Variants in CYTH3 observed in about 807,000 individuals in gnomAD.
CYTH3 encodes cytohesin 3, also known as cytohesin-3.
CYTH3 carries 23 observed loss-of-function variants against 55.1 expected under a neutral mutation model. That is an observed-to-expected ratio of 0.42 (90% CI 0.30 to 0.59). CYTH3 has a LOEUF of 0.59. Among genes scored for constraint, CYTH3 ranks in the 20% least tolerant of loss-of-function variants. The pLI, the probability that CYTH3 is intolerant of heterozygous loss-of-function variation, is 0.20. For missense variants in CYTH3, 413 were observed against 524.8 expected (o/e 0.79, Z 2.08); for synonymous variants, 249 against 194.9 (o/e 1.28, Z -2.31).
intron 1 of CYTH3, among the ~76,000 whole-genome samples, chr7:6,237,582 C>T (rs1490067181): frequency 6.6e-6 from 1 of 152,076 alleles, no homozygotes; most frequent in Admixed American, 6.5e-5. Flanking sequence ...GTGGCACGCG[C>T]CTGTTATCCC....
intron 4 of CYTH3, among the ~76,000 whole-genome samples, chr7:6,179,145 G>C (rs1461410549): frequency 2.0e-5 from 3 of 152,172 alleles, no homozygotes; most frequent in African/African-American, 7.2e-5. Flanking sequence ...CAGTCAGTAA[G>C]AGAACCGATC....
chr7:6,226,859 T>C (rs1779267625), intron 1 of CYTH3, among the ~76,000 whole-genome samples: 1 of 152,088 alleles, frequency 6.6e-6, no homozygotes, highest in South Asian at 2.1e-4. Context: ...GGTGGGCGGA[T>C]CACGAGGTCA....
At chr7:6,195,914 C>T (rs1032051503) in intron 1 of CYTH3, among the ~76,000 whole-genome samples, 3 of 152,164 alleles carry the variant, frequency 2.0e-5, no homozygotes, top group African/African-American at 7.2e-5. Flanking sequence ...TCAAAGTCCA[C>T]GTAGAATAAG....
In CYTH3 at chr7:6,233,382, G is replaced by C. The variant is rs570839275; in HGVS notation, c.34+39092C>G. Among the ~76,000 whole-genome samples, 13 of 152,276 alleles carry C rather than the reference G, an allele frequency of 8.5e-5. No homozygotes were observed. The East Asian group carries it at 2.3e-3, about 27-fold the overall frequency. On this transcript the variant is annotated intron_variant, in intron 1 of 12. Transcript: ENST00000350796. ...CCTGCCAATTCTACCTTTGTAACTA[G>C]TTTTTGTTTTGTTTAAAACAGTAAA...
chr7:6,220,248 T>C (rs773385810), intron 1 of CYTH3, among the ~76,000 whole-genome samples: 6 of 152,130 alleles, frequency 3.9e-5, no homozygotes, highest in African/African-American at 4.8e-5. Context: ...GCAGAACAGA[T>C]ATTCTTTTCA....
chr7:6,212,535 C>T (rs1004424688), intron 1 of CYTH3: 1 of 152,146 alleles, frequency 6.6e-6, no homozygotes, highest in Non-Finnish European at 1.5e-5. Flanking sequence ...TTGTGACTGG[C>T]TTATTTCACC....
At chr7:6,250,760 C>T (rs560098016) in intron 1 of CYTH3, among the ~76,000 whole-genome samples, 15 of 152,148 alleles carry the variant, frequency 9.9e-5, no homozygotes, top group East Asian at 3.9e-4. Context: ...TGCTGATGGT[C>T]GCACAACTTT....
chr7:6,200,824 C>G (rs940436172), intron 1 of CYTH3, among the ~76,000 whole-genome samples: 6 of 152,238 alleles, frequency 3.9e-5, no homozygotes, highest in Non-Finnish European at 8.8e-5. Flanking sequence ...GGCACAATCA[C>G]AGCTCACTGC....
intron 1 of CYTH3, among the ~76,000 whole-genome samples, chr7:6,268,506 A>G (rs757465601): frequency 1.7e-4 from 26 of 152,210 alleles, no homozygotes; most frequent in Non-Finnish European, 3.5e-4. Context: ...AGATCTCTCC[A>G]TGTCAACTAA....
At position 6,171,223 on chromosome 7, in the gene CYTH3, G is replaced by A. The variant is rs1381672202; in HGVS notation, c.541C>T (p.Pro181Ser). Residue 181 changes from proline (P) to serine (S), a missense_variant, in exon 7 of 13, where the codon CCC becomes TCC. Transcript: ENST00000350796. This position sits in a 1 kb window ranked among gnomAD's most constrained non-coding sequence, Gnocchi z 6.7. ...AFASRYCLCN[P>S]GVFQSTDTCY... Reference sequence around the variant, plus strand: ...TGACCTGTGGACTGGAAGACCCCGGGGTTGCACAGGCAGTAGCGAGAAGCG... The same window carrying A: ...TGACCTGTGGACTGGAAGACCCCGGAGTTGCACAGGCAGTAGCGAGAAGCG... 4 of 1,614,144 alleles carry A rather than the reference G, an allele frequency of 2.5e-6. No homozygotes were observed. The highest frequency in any genetic ancestry group is 3.4e-6 in the Non-Finnish European group (4 of 1,179,996).
intron 1 of CYTH3, among the ~76,000 whole-genome samples, chr7:6,264,382 C>T (rs1780430458): frequency 6.6e-6 from 1 of 152,206 alleles, no homozygotes; most frequent in South Asian, 2.1e-4. Context: ...GAGGCCAAAG[C>T]GGGTGGATCA....
intron 1 of CYTH3, among the ~76,000 whole-genome samples, chr7:6,262,630 T>G (rs1159745540): frequency 6.6e-6 from 1 of 152,222 alleles, no homozygotes; most frequent in Non-Finnish European, 1.5e-5. Flanking sequence ...ACACTTTGGA[T>G]CACTTGAGGC....
intron 1 of CYTH3, among the ~76,000 whole-genome samples, chr7:6,239,168 C>G (rs1331479683): frequency 6.6e-6 from 1 of 152,140 alleles, no homozygotes; most frequent in African/African-American, 2.4e-5. Context: ...AGGCTATGAT[C>G]GCACCACTTT....
intron 1 of CYTH3, among the ~76,000 whole-genome samples, chr7:6,206,353 A>T (rs1047088791): frequency 6.6e-6 from 1 of 152,226 alleles, no homozygotes; most frequent in African/African-American, 2.4e-5. Flanking sequence ...GCCACAGAAG[A>T]CCACATATTG....
intron 1 of CYTH3, among the ~76,000 whole-genome samples, chr7:6,216,391 A>C (rs1784426845): frequency 6.6e-6 from 1 of 152,090 alleles, no homozygotes; most frequent in Admixed American, 6.5e-5. Flanking sequence ...ACATATATGC[A>C]AACATACACC....
In CYTH3 at chr7:6,164,831, G is replaced by T. The variant is rs1418382154; in HGVS notation, c.*113C>A. ...CTGGGCCACGGTATGCTCTGGAGCAGCAGCTTGCACCGCAGGGCGACTGCC... is the reference window on the plus strand; with the variant it reads ...CTGGGCCACGGTATGCTCTGGAGCATCAGCTTGCACCGCAGGGCGACTGCC... On this transcript the variant is annotated 3_prime_UTR_variant, in exon 13 of 13. Coordinates refer to ENST00000350796, the MANE Select transcript of CYTH3 (RefSeq NM_004227.4). 11 of 1,180,192 alleles carry T rather than the reference G, an allele frequency of 9.3e-6. No individual in the cohort carries two copies. The highest frequency in any genetic ancestry group is 1.4e-5 in the Non-Finnish European group (11 of 798,822). The allele number at this position is 1,180,192 out of a possible 1,614,324, so 73.1% of individuals were successfully genotyped here. A position where few individuals can be genotyped will look rare whatever the true frequency, so the allele number is the denominator to read the frequency against.
In CYTH3 at chr7:6,169,067, A is replaced by G. The variant is rs1562874842; in HGVS notation, c.823+1468T>C. Among the ~76,000 whole-genome samples, 2 of 152,150 alleles carry G rather than the reference A, an allele frequency of 1.3e-5. No individual in the cohort carries two copies. The highest frequency in any genetic ancestry group is 2.9e-5 in the Non-Finnish European group (2 of 68,038). Reference sequence around the variant, plus strand: ...CATGGTACTAGGTTTTCAGGCAAATATCTACAACTCCCCTAAACCTCGGTA... The same window carrying G: ...CATGGTACTAGGTTTTCAGGCAAATGTCTACAACTCCCCTAAACCTCGGTA... On this transcript the variant is annotated intron_variant, in intron 9 of 12. Coordinates refer to ENST00000350796, the MANE Select transcript of CYTH3 (RefSeq NM_004227.4). The surrounding 1 kb of genome is among the most constrained non-coding windows in gnomAD (Gnocchi z 4.1).
chr7:6,176,499 G>A (rs1028703488), intron 5 of CYTH3, among the ~76,000 whole-genome samples: 3 of 152,036 alleles, frequency 2.0e-5, no homozygotes, highest in African/African-American at 7.2e-5. Flanking sequence ...CTGACCTTGT[G>A]ATCTGCCCAC....
chr7:6,165,120 T>G, intron 12 of CYTH3, 104 bp from the exon 13 acceptor site: 1 of 1,571,206 alleles, frequency 6.4e-7, no homozygotes, highest in South Asian at 1.1e-5. Context: ...CAGGCTCAGA[T>G]CTGAACGTCG....
Sources: gnomAD v4.1 joint callset for allele counts (sites outside exome capture counted in the v4.1 genomes callset) on GRCh38, gnomAD v4.1.1 for gene constraint, Gnocchi (gnomAD v3.1) non-coding constraint, MANE v1.5 for transcripts, NCBI Gene and HGNC (gene_info 2026-07-23, HGNC 2026-07-21) for gene names.